Variants in RUNX1 observed in about 807,000 individuals in gnomAD.
RUNX1 encodes RUNX family transcription factor 1, also known as runt-related transcription factor 1.
A neutral mutation model predicts 42.8 loss-of-function variants in RUNX1; 19 were observed. That is an observed-to-expected ratio of 0.44 (90% CI 0.31 to 0.65). RUNX1 has a LOEUF of 0.65. Among genes scored for constraint, RUNX1 ranks in the 30% least tolerant of loss-of-function variants. The probability of loss-of-function intolerance (pLI) is 0.07; values close to 1 mark genes in which losing one functional copy is unlikely to be tolerated. For missense variants in RUNX1, 528 were observed against 672.0 expected, an observed-to-expected ratio of 0.79 and a Z score of 2.37; for synonymous variants, 271 against 289.4, an observed-to-expected ratio of 0.94 and a Z score of 0.64.
intron 2 of RUNX1, chr21:35,038,902 C>T: frequency 2.8e-6 from 1 of 359,096 alleles, no homozygotes; most frequent in Non-Finnish European, 5.6e-6. Context: ...TGCCCTAGAC[C>T]CTCATCAAAA....
Position 34,816,133 on chromosome 21 carries a change from A to G in RUNX1, c.806-16671T>C, listed in dbSNP as rs145593629. On this transcript the variant is annotated intron_variant, in intron 7 of 8. Transcript: ENST00000675419. ...AGGGCCCCAGCAGAGAGTTGGTGCT[A>G]TGTAAGGAAAGAAATTGTTTAGGGC... 8.8e-3 allele frequency among the ~76,000 whole-genome samples: 1,339 copies of G among 152,362 alleles called. 29 individuals carry two copies. Among genetic ancestry groups the G allele is most frequent in the African/African-American group, 0.031 (1,285 of 41,586 alleles).
chr21:34,849,418 T>A (rs1455318789), intron 6 of RUNX1, among the ~76,000 whole-genome samples: 5 of 41,114 alleles, frequency 1.2e-4, no homozygotes, highest in Non-Finnish European at 1.8e-4. Flanking sequence ...TATAATATAT[T>A]ATATAGTATA....
intron 6 of RUNX1, among the ~76,000 whole-genome samples, chr21:34,837,388 T>C (rs1350697156): frequency 1.3e-5 from 2 of 152,146 alleles, no homozygotes; most frequent in Non-Finnish European, 2.9e-5. Flanking sequence ...AGAAGCATTA[T>C]CATATTCAGG....
intron 2 of RUNX1, among the ~76,000 whole-genome samples, chr21:35,003,573 T>C (rs1398851643): frequency 6.6e-6 from 1 of 152,122 alleles, no homozygotes; most frequent in Non-Finnish European, 1.5e-5. Context: ...TAAATAGATA[T>C]TGGGAACATT....
At chr21:35,022,895 G>GAATAATAATAATAATAAT (rs71196925) in intron 2 of RUNX1, among the ~76,000 whole-genome samples, 27,207 of 143,952 alleles carry the variant, frequency 0.19, 2,716 homozygotes, top group Non-Finnish European at 0.23. Context: ...TACTCTGTTT[G>GAATAATAATAATAATAAT]AATAATAATA....
chr21:34,990,265 T>A (rs1306082271), intron 2 of RUNX1, among the ~76,000 whole-genome samples: 1 of 152,156 alleles, frequency 6.6e-6, no homozygotes, highest in African/African-American at 2.4e-5. Context: ...AAAACCAGAA[T>A]CTCTAAAATG....
intron 5 of RUNX1, among the ~76,000 whole-genome samples, chr21:34,865,351 G>C (rs147111739): frequency 6.7e-6 from 1 of 149,374 alleles, no homozygotes; most frequent in Non-Finnish European, 1.5e-5. Context: ...GCTGCTACCA[G>C]GCCTAAACGC....
At chr21:34,905,261 T>A (rs9985174) in intron 2 of RUNX1, among the ~76,000 whole-genome samples, 7,250 of 152,232 alleles carry the variant, frequency 0.048, 498 homozygotes, top group African/African-American at 0.15. Context: ...CTCACTAATC[T>A]CGCTCACAAG....
chr21:35,012,151 C>T (rs2059130648), intron 2 of RUNX1, among the ~76,000 whole-genome samples: 1 of 152,138 alleles, frequency 6.6e-6, no homozygotes, highest in African/African-American at 2.4e-5. Flanking sequence ...ATTTAATAGG[C>T]AAGTTTAAAA....
intron 2 of RUNX1, among the ~76,000 whole-genome samples, chr21:34,976,211 T>G (rs190401285): frequency 6.6e-6 from 1 of 152,278 alleles, no homozygotes; most frequent in African/African-American, 2.4e-5. Flanking sequence ...GATTACAGAT[T>G]AATACAAAGC....
In RUNX1 at chr21:34,834,610, G is replaced by A. The variant is rs999210074; in HGVS notation, c.614-9C>T. ...TAGTTTCTGCCGATGTCCTATTGTG[G>A]GGAGCAGGGAGGGGAGGGGATGGGG... On this transcript the variant is annotated splice_polypyrimidine_tract_variant and intron_variant, in intron 6 of 8. Coordinates refer to ENST00000675419, the MANE Select transcript of RUNX1 (RefSeq NM_001754.5). The A allele has an allele frequency of 1.2e-6, 2 of 1,608,598 alleles. No individual in the cohort carries two copies. The highest frequency in any genetic ancestry group is 1.7e-6 in the Non-Finnish European group (2 of 1,177,286).
intron 2 of RUNX1, among the ~76,000 whole-genome samples, chr21:34,906,466 G>T (rs2058220320): frequency 6.6e-6 from 1 of 152,166 alleles, no homozygotes; most frequent in Non-Finnish European, 1.5e-5. Context: ...TTCAGACATT[G>T]TGGCAAGGGC....
chr21:34,961,348 T>C (rs2058680492), intron 2 of RUNX1, among the ~76,000 whole-genome samples: 1 of 151,194 alleles, frequency 6.6e-6, no homozygotes, highest in African/African-American at 2.5e-5. Flanking sequence ...AGAGCAAGAC[T>C]CTATCTCAAA....
chr21:34,941,368 A>G (rs893814262), intron 2 of RUNX1, among the ~76,000 whole-genome samples: 1 of 152,198 alleles, frequency 6.6e-6, no homozygotes, highest in African/African-American at 2.4e-5. Flanking sequence ...CCTCCTGAAT[A>G]CAATCCACCT....
At chr21:34,831,881 G>A (rs1316765902) in intron 7 of RUNX1, among the ~76,000 whole-genome samples, 1 of 152,124 alleles carries the variant, frequency 6.6e-6, no homozygotes, top group Non-Finnish European at 1.5e-5. Flanking sequence ...CATGATTAGC[G>A]TAAAACAGCG....
chr21:34,958,584 A>G (rs1480230086), intron 2 of RUNX1, among the ~76,000 whole-genome samples: 1 of 152,174 alleles, frequency 6.6e-6, no homozygotes, highest in Non-Finnish European at 1.5e-5. Flanking sequence ...AAATAGGAAC[A>G]CTTTTACACT....
At position 34,886,958 on chromosome 21, in the gene RUNX1, A is replaced by T. The variant is rs1601529045; in HGVS notation, c.236T>A (p.Val79Glu). The part of the protein sequence containing the change: ...GKLRSGDRSM[V>E]EVLADHPGEL... Reference sequence around the variant, plus strand: ...GCCCGGGTGGTCGGCCAGCACCTCCACCATGCTGCGGTCGCCGCTCCTCAG... The same window carrying T: ...GCCCGGGTGGTCGGCCAGCACCTCCTCCATGCTGCGGTCGCCGCTCCTCAG... The change falls in exon 4 of 9, where the codon GTG (valine) becomes GAG (glutamate). Residue 79 changes from valine (V) to glutamate (E), a missense_variant. Physicochemically the swap from Val to Glu is moderately radical, Grantham distance 121. Around this residue, in one of 3 missense-constraint regions of RUNX1, gnomAD observed 114 missense variants for 115.0 expected, o/e 0.99. Transcript: ENST00000675419. The T allele has an allele frequency of 3.1e-6, 5 of 1,611,802 alleles. No individual in the cohort carries two copies. The highest frequency in any genetic ancestry group is 4.2e-6 in the Non-Finnish European group (5 of 1,179,500).
At chr21:34,869,274 T>A (rs1270562226) in intron 5 of RUNX1, among the ~76,000 whole-genome samples, 1 of 152,106 alleles carries the variant, frequency 6.6e-6, no homozygotes, top group Non-Finnish European at 1.5e-5. Context: ...ATACACACCA[T>A]CTCGCTTTTA....
chr21:34,886,763 G>C (rs1057087737), intron 4 of RUNX1, 80 bp downstream of exon 4: 1 of 1,602,102 alleles, frequency 6.2e-7, no homozygotes. Context: ...GGCCCCGCCC[G>C]CCTGGCCGCT....
Sources: gnomAD v4.1 joint callset for allele counts (sites outside exome capture counted in the v4.1 genomes callset) on GRCh38, gnomAD v4.1.1 for gene constraint, gnomAD v4.1.1 regional missense constraint, MANE v1.5 for transcripts, NCBI Gene and HGNC (gene_info 2026-07-23, HGNC 2026-07-21) for gene names.